The following OLAH variants were observed in gnomAD, a reference collection of about 807,000 sequenced individuals.
The protein encoded by OLAH is oleoyl-ACP hydrolase.
A neutral mutation model predicts 27.8 loss-of-function variants in OLAH; 33 were observed. That is an observed-to-expected ratio of 1.19 (90% CI 0.90 to 1.59). OLAH has a LOEUF of 1.59. Ranked by LOEUF, OLAH falls within the 40% of genes most tolerant of loss-of-function variation. OLAH has a pLI of 0.00. For missense variants in OLAH, 359 were observed against 310.8 expected (o/e 1.16, Z -1.17); for synonymous variants, 120 against 102.9 (o/e 1.17, Z -1.01).
chr10:15,041,064 C>T (rs1843911490), upstream of OLAH, among the ~76,000 whole-genome samples: 1 of 152,168 alleles, frequency 6.6e-6, no homozygotes, highest in Non-Finnish European at 1.5e-5. Flanking sequence ...AGTCCAAATG[C>T]CCTATTGACT....
chr10:15,037,932 A>G (rs1206808421), intron 1 of OLAH, among the ~76,000 whole-genome samples: 6 of 152,254 alleles, frequency 3.9e-5, no homozygotes, highest in South Asian at 2.1e-4. Context: ...CGCTGCCTGG[A>G]TGAACCAGGA....
intron 1 of OLAH, among the ~76,000 whole-genome samples, chr10:15,035,658 C>T (rs942421173): frequency 6.6e-6 from 1 of 152,048 alleles, no homozygotes; most frequent in East Asian, 1.9e-4. Context: ...CTATATCAAG[C>T]GCCATCTCCT....
chr10:15,057,725 A>C (rs12416186), intron 3 of OLAH, among the ~76,000 whole-genome samples: 1 of 151,992 alleles, frequency 6.6e-6, no homozygotes, highest in Non-Finnish European at 1.5e-5. Flanking sequence ...CTTGCCTCAT[A>C]TGATACCAGA....
In OLAH at chr10:15,065,670, C is replaced by CA. The variant is rs761745993; in HGVS notation, c.491dup (p.His165AlafsTer4). On this transcript the variant is annotated frameshift_variant, in exon 6 of 8. Transcript: ENST00000378228. LOFTEE classifies it high-confidence loss of function. ...ACCTTATGGAATTTGGAGGCACCCC[C>CA]AAGCATTTTGCTGAAGCCAAGGAAT... The CA allele has an allele frequency of 6.2e-7, 1 of 1,614,120 alleles. No individual in the cohort carries two copies. Among genetic ancestry groups the CA allele is most frequent in the South Asian group, 1.1e-5 (1 of 91,082 alleles).
In OLAH at chr10:15,047,241, A is replaced by G. The variant is rs761306643; in HGVS notation, c.-48A>G. 2.5e-6 allele frequency: 4 copies of G among 1,602,820 alleles called. No homozygotes were observed. In the African/African-American group the frequency reaches 4.0e-5, roughly 16 times the overall value. ...CAAGAGGAACTGACTTCTGTTGAGC[A>G]CTCAACACGCCACAGAGACCAGCCA... is the stretch of plus-strand genomic sequence containing the variant. On this transcript the variant is annotated 5_prime_UTR_variant, in exon 2 of 8. Coordinates refer to ENST00000378228, the MANE Select transcript of OLAH (RefSeq NM_001039702.3).
upstream of OLAH, among the ~76,000 whole-genome samples, chr10:15,039,279 T>C (rs1229735442): frequency 3.9e-5 from 6 of 152,008 alleles, no homozygotes; most frequent in Non-Finnish European, 5.9e-5. Flanking sequence ...AAAATCTCCC[T>C]AGAAGACTGC....
Sources: allele counts gnomAD v4.1 joint callset (sites outside exome capture counted in the v4.1 genomes callset), GRCh38; gene constraint gnomAD v4.1.1; transcripts MANE v1.5; gene names NCBI Gene and HGNC (gene_info 2026-07-23, HGNC 2026-07-21).